The following CHD5 variants were observed in gnomAD, a reference collection of about 807,000 sequenced individuals.
CHD5 encodes the protein chromodomain helicase DNA binding protein 5.
A neutral mutation model predicts 230.3 loss-of-function variants in CHD5; 69 were observed. That is an observed-to-expected ratio of 0.30 (90% confidence interval 0.25 to 0.37). The LOEUF is 0.37. Ranked by LOEUF, CHD5 falls within the 10% of genes least tolerant of loss-of-function variation. The probability of loss-of-function intolerance (pLI) is 1.00; values close to 1 mark genes in which losing one functional copy is unlikely to be tolerated. For missense variants in CHD5, 1,827 were observed against 2,622.8 expected (o/e 0.70, Z 6.63); for synonymous variants, 1,064 against 1,065.9 (o/e 1.00, Z 0.03).
chr1:6,149,193 T>G, intron 8 of CHD5, 53 bp downstream of exon 8: 1 of 1,506,490 alleles, frequency 6.6e-7, no homozygotes. Flanking sequence ...GGCACAGGGG[T>G]GGGGGAGCCA....
rs770976829 is a variant in CHD5, at chr1:6,111,873, C to T, written c.5151G>A (p.Thr1717=). ...CAGCCCGCTCCTCGTTCTGCCACAG[C>T]GTGTGCAACTCTGGGAAACAAGCCA... The part of the protein sequence containing the change: ...IADGGFTELH[T]LWQNEERAAV... Residue 1717 remains threonine, a synonymous_variant, in exon 36 of 42, where the codon ACG becomes ACA. Transcript: ENST00000262450. 6.8e-6 allele frequency: 11 copies of T among 1,613,020 alleles called. No homozygotes were observed. Among genetic ancestry groups the T allele is most frequent in the African/African-American group, 2.7e-5 (2 of 74,904 alleles).
At position 6,179,984 on chromosome 1, in the gene CHD5, G is replaced by T; in HGVS notation, c.40C>A (p.Leu14Met). 1 of 1,386,920 alleles carries T rather than the reference G, an allele frequency of 7.2e-7. No individual in the cohort carries two copies. Among genetic ancestry groups the T allele is most frequent in the Non-Finnish European group, 9.4e-7 (1 of 1,058,236 alleles). 85.9% of individuals were successfully genotyped at this position (1,386,920 alleles called of 1,614,324 possible). A position where few individuals can be genotyped will look rare whatever the true frequency, so the allele number is the denominator to read the frequency against. ...PVGTEEELPR[L>M]FAEEMENEDE... ...TCATTCTCCATCTCCTCGGCGAACA[G>T]CCGCGGCAGCTCCTCCTCGGTGCCC... Residue 14 changes from leucine to methionine, a missense_variant, in exon 1 of 42, where the codon CTG becomes ATG. This residue lies in a region of CHD5 where 113 missense variants were observed against 91.9 expected (regional missense o/e 1.23). Coordinates refer to ENST00000262450, the MANE Select transcript of CHD5 (RefSeq NM_015557.3).
chr1:6,125,420 C>T lies in CHD5; in HGVS notation c.4260+104G>A. ...AGACCAAGTTCTGTCCAAGCTCCGC[C>T]TCTACCTGGCATGAGACCCGGGGCA... On this transcript the variant is annotated intron_variant, in intron 28 of 41. Coordinates refer to ENST00000262450, the MANE Select transcript of CHD5 (RefSeq NM_015557.3). This position sits in a 1 kb window ranked among gnomAD's most constrained non-coding sequence, Gnocchi z 6.7. 7.4e-7 allele frequency: 1 copy of T among 1,356,940 alleles called. No individual in the cohort carries two copies. Among genetic ancestry groups the T allele is most frequent in the Admixed American group, 2.1e-5 (1 of 48,568 alleles). The allele number at this position is 1,356,940 out of a possible 1,614,324, so 84.1% of individuals were successfully genotyped here.
At position 6,125,928 on chromosome 1, in the gene CHD5, G is replaced by T; in HGVS notation, c.4079-70C>A. ...AAAGCCCACCCTCAAGTTCAAGCAT[G>T]CCCAGGGCCACGCCGAGCCCCTGCA... On this transcript the variant is annotated intron_variant, in intron 26 of 41. Coordinates refer to ENST00000262450, the MANE Select transcript of CHD5 (RefSeq NM_015557.3). The surrounding 1 kb of genome is among the most constrained non-coding windows in gnomAD (Gnocchi z 6.7). The T allele has an allele frequency of 1.7e-6, 2 of 1,194,364 alleles. No homozygotes were observed. Among genetic ancestry groups the T allele is most frequent in the Non-Finnish European group, 1.2e-6 (1 of 811,656 alleles). The allele number at this position is 1,194,364 out of a possible 1,614,324, so 74.0% of individuals were successfully genotyped here.
Position 6,154,651 on chromosome 1 carries a change from C to T in CHD5, c.745+9G>A. The T allele has an allele frequency of 6.5e-7, 1 of 1,545,278 alleles. No individual in the cohort carries two copies. Among genetic ancestry groups the T allele is most frequent in the South Asian group, 1.2e-5 (1 of 80,748 alleles). On this transcript the variant is annotated intron_variant, in intron 5 of 41. Coordinates refer to ENST00000262450, the MANE Select transcript of CHD5 (RefSeq NM_015557.3). This position sits in a 1 kb window ranked among gnomAD's most constrained non-coding sequence, Gnocchi z 7.0. ...GCGGGACTAGGTGCCCACCCAACCC[C>T]AGCCTTACCTTTGCCCTCCTTGGTC...
intron 9 of CHD5, among the ~76,000 whole-genome samples, chr1:6,147,415 G>A (rs1052018758): frequency 6.6e-5 from 10 of 152,220 alleles, no homozygotes; most frequent in African/African-American, 2.4e-4. Flanking sequence ...CTGGGACAAT[G>A]AGGCCCCATC....
chr1:6,164,522 TC>T (rs1305025258), intron 2 of CHD5, among the ~76,000 whole-genome samples: 1 of 152,012 alleles, frequency 6.6e-6, no homozygotes, highest in Non-Finnish European at 1.5e-5. Context: ...GCTGCCGGCC[TC>T]CCCCCACTAA....
chr1:6,133,287 G>A lies in CHD5; in HGVS notation c.3144+841C>T, dbSNP rs77619157. Among the ~76,000 whole-genome samples the A allele has an allele frequency of 9.3e-3, 1,417 of 152,336 alleles. 16 individuals carry two copies. Among genetic ancestry groups the A allele is most frequent in the African/African-American group, 0.032 (1,351 of 41,570 alleles). On this transcript the variant is annotated intron_variant, in intron 20 of 41. Transcript: ENST00000262450. ...GTTGGTACCGAGGTACTGGGGGGATGTGGGTCCATCTCCACTCCAGCCCAC... is the reference window on the plus strand; with the variant it reads ...GTTGGTACCGAGGTACTGGGGGGATATGGGTCCATCTCCACTCCAGCCCAC...
At chr1:6,112,003 C>A (rs1666299685) in intron 35 of CHD5, 120 bp from the exon 36 acceptor site, 1 of 1,381,366 alleles carries the variant, frequency 7.2e-7, no homozygotes. Context: ...TCCAGTGTTC[C>A]AGGGTGGCTA....
chr1:6,126,943 C>A lies in CHD5; in HGVS notation c.3904-197G>T. The A allele has an allele frequency of 1.7e-6, 1 of 593,154 alleles. No homozygotes were observed. The highest frequency in any genetic ancestry group is 3.0e-6 in the Non-Finnish European group (1 of 332,908). The allele number at this position is 593,154 out of a possible 1,614,324, so 36.7% of individuals were successfully genotyped here. ...CTCTCCCTGCCCCTATCCAGTCAAT[C>A]ATTTACTTATTCATCCATCCATTCA... On this transcript the variant is annotated intron_variant, in intron 25 of 41. Transcript: ENST00000262450. The surrounding 1 kb of genome is among the most constrained non-coding windows in gnomAD (Gnocchi z 5.7).
chr1:6,143,877 G>C lies in CHD5; in HGVS notation c.1989C>G (p.Gly663=). The change falls in exon 13 of 42, where the codon GGC becomes GGG. Residue 663 remains glycine (G), a synonymous_variant. Coordinates refer to ENST00000262450, the MANE Select transcript of CHD5 (RefSeq NM_015557.3). Reference sequence around the variant, plus strand: ...CCTGCTTGTCGTCCCTCAGCTTCTTGCCCTTCTTGAGCAGCCTCTTGGGCA... The same window carrying C: ...CCTGCTTGTCGTCCCTCAGCTTCTTCCCCTTCTTGAGCAGCCTCTTGGGCA... The part of the protein sequence containing the change: ...TRLPKRLLKK[G]KKLRDDKQEK... 6.5e-7 allele frequency: 1 copy of C among 1,533,496 alleles called. No individual in the cohort carries two copies. The highest frequency in any genetic ancestry group is 1.4e-5 in the African/African-American group (1 of 72,148). The allele number at this position is 1,533,496 out of a possible 1,614,324, so 95.0% of individuals were successfully genotyped here.
intron 6 of CHD5, 128 bp from the exon 7 acceptor site, chr1:6,151,283 C>A: frequency 9.2e-7 from 1 of 1,081,346 alleles, no homozygotes; most frequent in Non-Finnish European, 1.2e-6. Context: ...TGATTCATCT[C>A]AGCCCCCAAC....
In CHD5 at chr1:6,161,143, GAAAGGGTGGCAGAAGGA is replaced by G. The variant is rs923810592; in HGVS notation, c.208-1645_208-1629del. Reference sequence around the variant, plus strand: ...AAGAGGGAGGGAGGGAGAAGGAAAGGAAAGGGTGGCAGAAGGAAAGAGAATGAGGAGGCAGCAAAGGC... The same window carrying G: ...AAGAGGGAGGGAGGGAGAAGGAAAGGAAGAGAATGAGGAGGCAGCAAAGGC... On this transcript the variant is annotated intron_variant, in intron 2 of 41. Transcript: ENST00000262450. 5.3e-5 allele frequency among the ~76,000 whole-genome samples: 8 copies of G among 150,534 alleles called. 1 individual carries two copies. The highest frequency in any genetic ancestry group is 2.0e-4 in the African/African-American group (8 of 39,882).
At chr1:6,149,210 G>A (rs1368021587) in intron 8 of CHD5, 36 bp downstream of exon 8, 2 of 1,533,956 alleles carry the variant, frequency 1.3e-6, no homozygotes, top group East Asian at 2.3e-5. Context: ...GCCAGGCGTG[G>A]CCCCGCCCCC....
At position 6,106,551 on chromosome 1, in the gene CHD5, C is replaced by T. The variant is rs752073017; in HGVS notation, c.5743-42G>A. The T allele has an allele frequency of 1.1e-5, 17 of 1,550,200 alleles. 1 individual carries two copies. The Admixed American group carries it at 1.4e-4, about 13-fold the overall frequency. On this transcript the variant is annotated intron_variant, in intron 39 of 41. Transcript: ENST00000262450. ...AGCTTCACAGGTGGTCTCAGGCCCC[C>T]CACCCAGCCTCCACCCAGGGGCACG... is the stretch of plus-strand genomic sequence containing the variant.
rs932267952 is a variant in CHD5, at chr1:6,155,954, T to G, written c.388-237A>C. Among the ~76,000 whole-genome samples, 6 of 152,186 alleles carry G rather than the reference T, an allele frequency of 3.9e-5. No homozygotes were observed. In the East Asian group the frequency reaches 1.2e-3, roughly 29 times the overall value. Reference sequence around the variant, plus strand: ...GCCAGCCCACGAAGTGCAGGCCAAGTGTTCGACGTCAGGGTTTGGGGAGAG... The same window carrying G: ...GCCAGCCCACGAAGTGCAGGCCAAGGGTTCGACGTCAGGGTTTGGGGAGAG... On this transcript the variant is annotated intron_variant, in intron 3 of 41. Transcript: ENST00000262450. This position sits in a 1 kb window ranked among gnomAD's most constrained non-coding sequence, Gnocchi z 4.0.
chr1:6,140,218 T>G (rs1666806626), intron 15 of CHD5, among the ~76,000 whole-genome samples: 1 of 151,882 alleles, frequency 6.6e-6, no homozygotes, highest in African/African-American at 2.4e-5. Flanking sequence ...CTGGCCAACA[T>G]GTGAAACCCA....
rs566189484 is a variant in CHD5, at chr1:6,167,567, G to A, written c.207+583C>T. 3.3e-5 allele frequency among the ~76,000 whole-genome samples: 5 copies of A among 152,284 alleles called. No individual in the cohort carries two copies. Among genetic ancestry groups the A allele is most frequent in the African/African-American group, 4.8e-5 (2 of 41,558 alleles). On this transcript the variant is annotated intron_variant, in intron 2 of 41. Coordinates refer to ENST00000262450, the MANE Select transcript of CHD5 (RefSeq NM_015557.3). This position sits in a 1 kb window ranked among gnomAD's most constrained non-coding sequence, Gnocchi z 4.5. ...CTGATCATGAGGATCAAGTGAGCCC[G>A]CGTGAAGCACAGAGAAGCACACTCG... is the stretch of plus-strand genomic sequence containing the variant.
Position 6,179,934 on chromosome 1 carries a change from G to T in CHD5, c.79+11C>A. 1 of 1,306,318 alleles carries T rather than the reference G, an allele frequency of 7.7e-7. No homozygotes were observed. The highest frequency in any genetic ancestry group is 9.9e-7 in the Non-Finnish European group (1 of 1,008,534). The allele number at this position is 1,306,318 out of a possible 1,614,324, so 80.9% of individuals were successfully genotyped here. A position where few individuals can be genotyped will look rare whatever the true frequency, so the allele number is the denominator to read the frequency against. Reference sequence around the variant, plus strand: ...CCGCTCTGGCCCCAGGCGCACCCGCGCCCCGCTCACCTGACATCTCGTCCT... The same window carrying T: ...CCGCTCTGGCCCCAGGCGCACCCGCTCCCCGCTCACCTGACATCTCGTCCT... On this transcript the variant is annotated intron_variant, in intron 1 of 41. Coordinates refer to ENST00000262450, the MANE Select transcript of CHD5 (RefSeq NM_015557.3).
Sources: allele counts gnomAD v4.1 joint callset (sites outside exome capture counted in the v4.1 genomes callset), GRCh38; gene constraint gnomAD v4.1.1; regional missense constraint gnomAD v4.1.1; non-coding constraint Gnocchi (gnomAD v3.1); transcripts MANE v1.5; gene names NCBI Gene and HGNC (gene_info 2026-07-23, HGNC 2026-07-21).